The following CAPN13 variants were observed in gnomAD, a reference collection of about 807,000 sequenced individuals.
CAPN13 encodes calpain-13.
A neutral mutation model predicts 98.4 loss-of-function variants in CAPN13; 90 were observed. That is an observed-to-expected ratio of 0.92 (90% CI 0.77 to 1.09). CAPN13 has a LOEUF of 1.09. CAPN13 is among the 50% of genes least tolerant of loss of function. The pLI, the probability that CAPN13 is intolerant of heterozygous loss-of-function variation, is 0.00. For missense variants in CAPN13, 887 were observed against 841.3 expected (o/e 1.05, Z -0.67); for synonymous variants, 330 against 305.5 (o/e 1.08, Z -0.84).
At chr2:30,731,464 G>A (rs144527235) in intron 20 of CAPN13, 65 bp from the exon 21 acceptor site, 14 of 1,400,198 alleles carry the variant, frequency 1.0e-5, no homozygotes, top group Admixed American at 2.1e-5. Context: ...TTCAGGGGAG[G>A]CAGGCCTGGG....
At chr2:30,787,810 G>C (rs1674386627) in intron 1 of CAPN13, among the ~76,000 whole-genome samples, 1 of 152,164 alleles carries the variant, frequency 6.6e-6, no homozygotes, top group African/African-American at 2.4e-5. Context: ...TGCCAGAAAG[G>C]TAGGTTGGAA....
chr2:30,804,630 C>T (rs1033970715), intron 1 of CAPN13, among the ~76,000 whole-genome samples: 2 of 152,192 alleles, frequency 1.3e-5, no homozygotes, highest in Admixed American at 6.5e-5. Context: ...TCTATGTATA[C>T]CATGCTTTAG....
intron 17 of CAPN13, 62 bp downstream of exon 17, chr2:30,738,173 C>T: frequency 1.9e-6 from 3 of 1,582,972 alleles, no homozygotes; most frequent in Middle Eastern, 1.7e-4. Flanking sequence ...AATTAGGTCT[C>T]TGGGGAAGCC....
chr2:30,736,489 G>T lies in CAPN13; in HGVS notation c.1722+14C>A. On this transcript the variant is annotated intron_variant, in intron 18 of 22. Coordinates refer to ENST00000295055, the MANE Select transcript of CAPN13 (RefSeq NM_144575.3). ...ACAGAATGAGAGTGCTAGTCACAGA[G>T]AATGTGCCCGTACCTGGTAGTGAAC... 6.2e-7 allele frequency: 1 copy of T among 1,613,402 alleles called. No homozygotes were observed. Among genetic ancestry groups the T allele is most frequent in the East Asian group, 2.2e-5 (1 of 44,878 alleles).
chr2:30,757,177 T>G (rs1024404503), intron 8 of CAPN13, among the ~76,000 whole-genome samples: 2 of 152,196 alleles, frequency 1.3e-5, no homozygotes, highest in African/African-American at 4.8e-5. Context: ...GTCACGACAT[T>G]TTTCACGGAT....
chr2:30,774,544 A>G (rs1409130151), intron 4 of CAPN13, among the ~76,000 whole-genome samples: 2 of 152,208 alleles, frequency 1.3e-5, no homozygotes, highest in Non-Finnish European at 2.9e-5. Context: ...CTCAGTGGCA[A>G]TATATTTGAA....
intron 18 of CAPN13, among the ~76,000 whole-genome samples, chr2:30,735,772 C>T (rs770832103): frequency 1.3e-5 from 2 of 152,144 alleles, no homozygotes; most frequent in Non-Finnish European, 2.9e-5. Context: ...CATGGCTAGA[C>T]ATTTGATGTA....
At chr2:30,756,799 G>T (rs72783025) in intron 8 of CAPN13, among the ~76,000 whole-genome samples, 1,714 of 152,230 alleles carry the variant, frequency 0.011, 35 homozygotes, top group African/African-American at 0.038. Flanking sequence ...GAGGGGGTTC[G>T]GCTGCCCGAT....
At chr2:30,744,376 T>G (rs1367292854) in intron 12 of CAPN13, among the ~76,000 whole-genome samples, 2 of 152,162 alleles carry the variant, frequency 1.3e-5, no homozygotes. Context: ...GAGGGTGGCA[T>G]CTCCAACGCG....
intron 5 of CAPN13, among the ~76,000 whole-genome samples, chr2:30,766,708 A>C (rs144213260): frequency 1.6e-3 from 240 of 152,334 alleles, no homozygotes; most frequent in African/African-American, 5.4e-3. Flanking sequence ...AGAGGAAAGA[A>C]TTCAGATAGA....
chr2:30,770,561 T>C, intron 4 of CAPN13, 112 bp from the exon 5 acceptor site: 1 of 1,299,296 alleles, frequency 7.7e-7, no homozygotes, highest in East Asian at 2.4e-5. Flanking sequence ...AATAATGAAC[T>C]CTATTCCGAA....
chr2:30,796,172 G>A (rs1040233156), intron 1 of CAPN13, among the ~76,000 whole-genome samples: 3 of 136,244 alleles, frequency 2.2e-5, no homozygotes, highest in East Asian at 4.0e-4. Flanking sequence ...ATATATGTGT[G>A]TATATATATA....
At chr2:30,752,280 C>A (rs752444642) in intron 10 of CAPN13, among the ~76,000 whole-genome samples, 4 of 152,328 alleles carry the variant, frequency 2.6e-5, no homozygotes, top group Non-Finnish European at 4.4e-5. Context: ...TGCAAACACA[C>A]AACAAACACA....
chr2:30,745,854 C>A, intron 11 of CAPN13, 120 bp from the exon 12 acceptor site: 17 of 580,910 alleles, frequency 2.9e-5, no homozygotes, highest in Non-Finnish European at 4.0e-5. Context: ...TTCTTCCTCT[C>A]TTTTAAAGAA....
intron 19 of CAPN13, 86 bp from the exon 20 acceptor site, chr2:30,732,652 A>G: frequency 6.6e-7 from 1 of 1,509,788 alleles, no homozygotes; most frequent in South Asian, 1.2e-5. Flanking sequence ...ACCTGTTCAG[A>G]GGGCCCGGCC....
At chr2:30,790,981 G>T in intron 1 of CAPN13, among the ~76,000 whole-genome samples, 1 of 151,990 alleles carries the variant, frequency 6.6e-6, no homozygotes, top group South Asian at 2.1e-4. Context: ...GCCTCTTAAA[G>T]ACCTTATCTC....
Position 30,769,424 on chromosome 2 carries a change from C to T in CAPN13, c.524+889G>A, listed in dbSNP as rs1019800438. Among the ~76,000 whole-genome samples, 3 of 152,150 alleles carry T rather than the reference C, an allele frequency of 2.0e-5. No homozygotes were observed. In the East Asian group the frequency reaches 5.8e-4, roughly 30 times the overall value. ...ATAGGAGGAGACGGATGTGTCATTA[C>T]TCTTCGTGTTTCCATTGTATTGATT... is the stretch of plus-strand genomic sequence containing the variant. On this transcript the variant is annotated intron_variant, in intron 5 of 22. Coordinates refer to ENST00000295055, the MANE Select transcript of CAPN13 (RefSeq NM_144575.3).
chr2:30,727,894 G>C (rs1426232179), intron 22 of CAPN13, among the ~76,000 whole-genome samples: 1 of 151,812 alleles, frequency 6.6e-6, no homozygotes, highest in East Asian at 1.9e-4. Flanking sequence ...GTCAAAACTA[G>C]AAACAACCCA....
intron 14 of CAPN13, 57 bp from the exon 15 acceptor site, chr2:30,742,021 T>G: frequency 6.7e-7 from 1 of 1,502,826 alleles, no homozygotes; most frequent in South Asian, 1.1e-5. Flanking sequence ...GCCACCCATC[T>G]GGTACAGCAA....
Sources: gnomAD v4.1 joint callset for allele counts (sites outside exome capture counted in the v4.1 genomes callset) on GRCh38, gnomAD v4.1.1 for gene constraint, MANE v1.5 for transcripts, NCBI Gene and HGNC (gene_info 2026-07-23, HGNC 2026-07-21) for gene names.